Variants in MYH13 observed in about 807,000 individuals in gnomAD.
The protein encoded by MYH13 is myosin heavy chain 13.
In MYH13, 177 loss-of-function variants were observed where a neutral mutation model predicts 232.1. That is an observed-to-expected ratio of 0.76 (90% CI 0.67 to 0.86). The LOEUF (loss-of-function observed/expected upper bound fraction) is 0.86, where lower values mean the gene tolerates loss of function less well. Ranked by LOEUF, MYH13 falls within the 40% of genes least tolerant of loss-of-function variation. The pLI is 0.00. For synonymous variants in MYH13, 884 were observed against 923.5 expected, an observed-to-expected ratio of 0.96 and a Z score of 0.78; for missense variants, 2,246 against 2,405.9, an observed-to-expected ratio of 0.93 and a Z score of 1.39.
At chr17:10,339,099 C>T (rs559912504) in intron 18 of MYH13, among the ~76,000 whole-genome samples, 27 of 152,234 alleles carry the variant, frequency 1.8e-4, no homozygotes, top group African/African-American at 4.6e-4. Flanking sequence ...CCCAACCCCC[C>T]GACAACGTAT....
chr17:10,364,669 G>T, intron 2 of MYH13, 127 bp from the exon 3 acceptor site: 1 of 754,802 alleles, frequency 1.3e-6, no homozygotes, highest in Non-Finnish European at 2.2e-6. Flanking sequence ...AGGTCCTGAG[G>T]GATCTATGGC....
At chr17:10,310,997 AGACTCAGG>A in intron 33 of MYH13, 98 bp downstream of exon 33, 1 of 1,415,924 alleles carries the variant, frequency 7.1e-7, no homozygotes, top group Admixed American at 2.1e-5. Flanking sequence ...CTCCCAATGG[AGACTCAGG>A]GTCTCCTGGC....
chr17:10,357,456 T>A (rs915646271), intron 8 of MYH13, among the ~76,000 whole-genome samples: 3 of 152,148 alleles, frequency 2.0e-5, no homozygotes, highest in Non-Finnish European at 4.4e-5. Context: ...ATAAAGTTGA[T>A]CTCTAATTGT....
chr17:10,335,475 C>T (rs73281987), intron 18 of MYH13, among the ~76,000 whole-genome samples: 80 of 152,186 alleles, frequency 5.3e-4, no homozygotes, highest in Non-Finnish European at 8.5e-4. Flanking sequence ...AGTACAGGCC[C>T]GGTGCGATGG....
chr17:10,346,004 A>AAAC (rs1414256286), intron 13 of MYH13, among the ~76,000 whole-genome samples: 4 of 143,032 alleles, frequency 2.8e-5, no homozygotes, highest in South Asian at 2.3e-4. Context: ...AAAAAAAAAA[A>AAAC]AAAAAAAAAC....
chr17:10,354,652 T>A, intron 11 of MYH13, 28 bp downstream of exon 11: 1 of 1,588,388 alleles, frequency 6.3e-7, no homozygotes, highest in Non-Finnish European at 8.6e-7. Flanking sequence ...ATTCTGTGCA[T>A]AAACAGACAA....
chr17:10,324,341 AG>A, intron 22 of MYH13, 77 bp from the exon 23 acceptor site: 1 of 1,562,126 alleles, frequency 6.4e-7, no homozygotes, highest in South Asian at 1.2e-5. Flanking sequence ...ACCCTCTAAA[AG>A]CTTATTATCT....
In MYH13 at chr17:10,319,088, A is replaced by T; in HGVS notation, c.3440T>A (p.Leu1147Gln). 1 of 1,614,056 alleles carries T rather than the reference A, an allele frequency of 6.2e-7. No individual in the cohort carries two copies. Among genetic ancestry groups the T allele is most frequent in the Non-Finnish European group, 8.5e-7 (1 of 1,180,028 alleles). ...TTCCAGCCTCTCGCTGATCTCCTCC[A>T]GTTCCCTGGCCAGATCTGAGCGCTG... ...EKQRSDLARELEEISERLEEA... is the reference protein window; with the variant it reads ...EKQRSDLAREQEEISERLEEA... The change falls in exon 27 of 41, where the codon CTG (leucine) becomes CAG (glutamine). Residue 1147 changes from leucine (L) to glutamine (Q), a missense_variant. Leu to Gln is a moderately radical substitution (Grantham distance 113, BLOSUM62 -2). Coordinates refer to ENST00000252172, the MANE Select transcript of MYH13 (RefSeq NM_003802.3).
At chr17:10,315,627 C>G (rs1300732764) in intron 29 of MYH13, 66 bp downstream of exon 29, 101 of 1,416,592 alleles carry the variant, frequency 7.1e-5, no homozygotes, top group Non-Finnish European at 9.5e-5. Flanking sequence ...CTGCTCTGAC[C>G]AGCTTCACGG....
intron 22 of MYH13, chr17:10,324,759 T>TTTTG (rs1907140307): frequency 1.2e-5 from 1 of 86,694 alleles, no homozygotes; most frequent in Non-Finnish European, 3.0e-5. Flanking sequence ...TATACATGTT[T>TTTTG]TTTTTTTTTT....
At chr17:10,336,006 C>T (rs1374542650) in intron 18 of MYH13, among the ~76,000 whole-genome samples, 2 of 152,162 alleles carry the variant, frequency 1.3e-5, no homozygotes, top group African/African-American at 4.8e-5. Context: ...TGTTAGGGGT[C>T]GTGTCCGACT....
At position 10,329,176 on chromosome 17, in the gene MYH13, C is replaced by T. The variant is rs190959884; in HGVS notation, c.2436-1055G>A. On this transcript the variant is annotated intron_variant, in intron 21 of 40. Coordinates refer to ENST00000252172, the MANE Select transcript of MYH13 (RefSeq NM_003802.3). The stretch of plus-strand genomic sequence containing the variant: ...CTCGATGCCTGGGAGTGATTCCTGA[C>T]GCATACATGGTGGCGGTTCATTATG... 1.3e-4 allele frequency among the ~76,000 whole-genome samples: 20 copies of T among 152,256 alleles called. No homozygotes were observed. In the East Asian group the frequency reaches 1.4e-3, roughly 10 times the overall value.
At position 10,320,473 on chromosome 17, in the gene MYH13, C is replaced by T; in HGVS notation, c.3135G>A (p.Glu1045=). 1 of 1,613,320 alleles carries T rather than the reference C, an allele frequency of 6.2e-7. No homozygotes were observed. The highest frequency in any genetic ancestry group is 8.5e-7 in the Non-Finnish European group (1 of 1,179,678). ...TDDLEGSLEQ[E]KKLRADLERA... is the part of the protein sequence containing the mutation. Reference sequence around the variant, plus strand: ...TTTCCAAGTCCGCCCGCAGTTTCTTCTCCTGCTCTAAGGAACCCTCAAGCT... The same window carrying T: ...TTTCCAAGTCCGCCCGCAGTTTCTTTTCCTGCTCTAAGGAACCCTCAAGCT... Residue 1045 remains glutamate (E), a synonymous_variant, in exon 25 of 41, where the codon GAG becomes GAA. Coordinates refer to ENST00000252172, the MANE Select transcript of MYH13 (RefSeq NM_003802.3).
At position 10,316,174 on chromosome 17, in the gene MYH13, T is replaced by C. The variant is rs1597887304; in HGVS notation, c.3739-149A>G. ...AAAAAGTTCAGTTTCAAAAAAATCA[T>C]AATCGGCCAGGCGCAGTGGCTCACG... is the stretch of plus-strand genomic sequence containing the variant. On this transcript the variant is annotated intron_variant, in intron 27 of 40. Coordinates refer to ENST00000252172, the MANE Select transcript of MYH13 (RefSeq NM_003802.3). 20 of 1,119,478 alleles carry C rather than the reference T, an allele frequency of 1.8e-5. No homozygotes were observed. The East Asian group carries it at 5.2e-4, about 29-fold the overall frequency. The allele number at this position is 1,119,478 out of a possible 1,614,324, so 69.3% of individuals were successfully genotyped here.
rs1316478304 is a variant in MYH13, at chr17:10,344,079, C to T, written c.1615G>A (p.Glu539Lys). 6.8e-6 allele frequency: 11 copies of T among 1,613,956 alleles called. No homozygotes were observed. The highest frequency in any genetic ancestry group is 2.2e-5 in the East Asian group (1 of 44,898). ...PMGIFSILEEECMFPKATDTS... is the reference protein window; with the variant it reads ...PMGIFSILEEKCMFPKATDTS... ...TCTGTTGCCTTGGGGAACATGCACT[C>T]CTCTTCCAGGATGGAGAAGATGCCC... Residue 539 changes from glutamate to lysine, a missense_variant, in exon 16 of 41, where the codon GAG (glutamate) becomes AAG (lysine). Coordinates refer to ENST00000252172, the MANE Select transcript of MYH13 (RefSeq NM_003802.3).
At chr17:10,328,316 G>T (rs897644363) in intron 21 of MYH13, among the ~76,000 whole-genome samples, 195 bp from the exon 22 acceptor site, 5 of 152,160 alleles carry the variant, frequency 3.3e-5, no homozygotes, top group Non-Finnish European at 5.9e-5. Context: ...ACGTGCACAG[G>T]TTGGAAGGTA....
At chr17:10,360,611 T>C in intron 5 of MYH13, among the ~76,000 whole-genome samples, 1 of 152,190 alleles carries the variant, frequency 6.6e-6, no homozygotes, top group East Asian at 1.9e-4. Context: ...CTTCTACTTG[T>C]GAAAAGTGAT....
At position 10,364,449 on chromosome 17, in the gene MYH13, G is replaced by T. The variant is rs1187515660; in HGVS notation, c.82C>A (p.Gln28Lys). Residue 28 changes from glutamine to lysine, a missense_variant, in exon 3 of 41, where the codon CAA (glutamine) becomes AAA (lysine). By Grantham distance (53) the Gln-to-Lys change is moderately conservative. Transcript: ENST00000252172. ...RKPEKERIEA[Q>K]NRPFDSKKAC... ...TTCTTGGAATCGAATGGACGATTTT[G>T]AGCCTCGATTCTCTCCTTCTCTGGT... 1 of 1,613,022 alleles carries T rather than the reference G, an allele frequency of 6.2e-7. No individual in the cohort carries two copies. Among genetic ancestry groups the T allele is most frequent in the Non-Finnish European group, 8.5e-7 (1 of 1,179,518 alleles).
intron 39 of MYH13, 27 bp from the exon 40 acceptor site, chr17:10,301,730 C>T (rs62060457): frequency 9.3e-6 from 15 of 1,610,192 alleles, no homozygotes; most frequent in South Asian, 5.5e-5. Flanking sequence ...GGGGGTATGA[C>T]GCTGTAGAGC....
Sources: gnomAD v4.1 joint callset for allele counts (sites outside exome capture counted in the v4.1 genomes callset) on GRCh38, gnomAD v4.1.1 for gene constraint, MANE v1.5 for transcripts, NCBI Gene and HGNC (gene_info 2026-07-23, HGNC 2026-07-21) for gene names.